The following COL24A1 variants were observed in gnomAD, a reference collection of about 807,000 sequenced individuals.
The protein encoded by COL24A1 is collagen type XXIV alpha 1 chain.
COL24A1 carries 224 observed loss-of-function variants against 253.9 expected under a neutral mutation model. The observed-to-expected ratio is 0.88, with a 90% confidence interval of 0.79 to 0.99. The LOEUF is 0.99. COL24A1 is among the 50% of genes least tolerant of loss of function. The pLI is 0.00. For synonymous variants in COL24A1, 685 were observed against 673.7 expected (o/e 1.02, Z -0.26); for missense variants, 2,131 against 2,068.5 (o/e 1.03, Z -0.59).
chr1:85,840,750 A>T (rs182323734), intron 42 of COL24A1, among the ~76,000 whole-genome samples: 4 of 152,292 alleles, frequency 2.6e-5, no homozygotes, highest in African/African-American at 9.6e-5. Flanking sequence ...AAGGCTATAG[A>T]TCAGTAATCT....
intron 31 of COL24A1, among the ~76,000 whole-genome samples, chr1:85,891,334 G>T (rs1057076279): frequency 1.7e-4 from 26 of 151,854 alleles, no homozygotes; most frequent in Admixed American, 1.4e-3. Context: ...AAAGTGCTGG[G>T]ATTACAGGCG....
intron 5 of COL24A1, among the ~76,000 whole-genome samples, chr1:86,106,503 A>G: frequency 6.6e-6 from 1 of 152,138 alleles, no homozygotes; most frequent in Non-Finnish European, 1.5e-5. Flanking sequence ...TTGACCACAG[A>G]TTGCCTGGAC....
chr1:85,812,141 C>A (rs1354250033), intron 47 of COL24A1, among the ~76,000 whole-genome samples: 1 of 152,308 alleles, frequency 6.6e-6, no homozygotes, highest in East Asian at 1.9e-4. Flanking sequence ...CGGTAATAAT[C>A]GAATTCACTG....
In COL24A1 at chr1:85,816,867, C is replaced by T. The variant is rs999484037; in HGVS notation, c.3872G>A (p.Gly1291Asp). 2.5e-6 allele frequency: 4 copies of T among 1,613,764 alleles called. No homozygotes were observed. The highest frequency in any genetic ancestry group is 3.4e-6 in the Non-Finnish European group (4 of 1,179,860). ...PGLQGLLGPK[G>D]IQGYHGADGI... The stretch of plus-strand genomic sequence containing the variant: ...ATCTGCTCCATGGTATCCTTGTATG[C>T]CTTTTGGCCCAAGTAGGCCTTGAAG... Residue 1291 changes from glycine (G) to aspartate (D), a missense_variant, in exon 47 of 60, where the codon GGC becomes GAC. Coordinates refer to ENST00000370571, the MANE Select transcript of COL24A1 (RefSeq NM_152890.7).
intron 23 of COL24A1, among the ~76,000 whole-genome samples, chr1:85,961,514 C>T (rs984499871): frequency 3.9e-5 from 6 of 152,128 alleles, no homozygotes; most frequent in African/African-American, 1.4e-4. Flanking sequence ...TACCCCAGAA[C>T]TTAAAATAAA....
chr1:85,842,518 G>T, intron 39 of COL24A1, 125 bp from the exon 40 acceptor site: 1 of 663,642 alleles, frequency 1.5e-6, no homozygotes, highest in Non-Finnish European at 2.5e-6. Flanking sequence ...TACCTAGTTT[G>T]AAATAGGAAA....
rs560221308 is a variant in COL24A1 at position 85,827,833 on chromosome 1, T to C, written c.3682-4095A>G. ...TCTCTCTTTTCTTTATTAGTCTTGC[T>C]AGTGGTCTATCAATTTTGTTGATCC... On this transcript the variant is annotated intron_variant, in intron 43 of 59. Transcript: ENST00000370571. 5.3e-4 allele frequency among the ~76,000 whole-genome samples: 80 copies of C among 152,224 alleles called. 3 individuals carry two copies. In the South Asian group the frequency reaches 0.017, roughly 32 times the overall value.
In COL24A1 at chr1:85,911,429, G is replaced by A. The variant is rs1685352881; in HGVS notation, c.2567C>T (p.Pro856Leu). The change falls in exon 25 of 60, where the codon CCT (proline) becomes CTT (leucine). Residue 856 changes from proline to leucine, a missense_variant. Physicochemically the swap from Pro to Leu is moderately conservative, Grantham distance 98 (BLOSUM62 -3). Coordinates refer to ENST00000370571, the MANE Select transcript of COL24A1 (RefSeq NM_152890.7). ...GNIGKIGETG[P>L]VGLPGEVGMT... ...CCCAACTTCTCCAGGTAAGCCAACAGGTCCCTTTTAGGAAAAAAAAATAAC... is the reference window on the plus strand; with the variant it reads ...CCCAACTTCTCCAGGTAAGCCAACAAGTCCCTTTTAGGAAAAAAAAATAAC... The A allele has an allele frequency of 6.2e-7, 1 of 1,611,590 alleles. No homozygotes were observed. The highest frequency in any genetic ancestry group is 8.5e-7 in the Non-Finnish European group (1 of 1,178,648).
chr1:85,918,577 A>C (rs944467482), intron 24 of COL24A1, among the ~76,000 whole-genome samples: 1 of 152,232 alleles, frequency 6.6e-6, no homozygotes, highest in Non-Finnish European at 1.5e-5. Flanking sequence ...ATGTGAACAT[A>C]CAGGCTTTAA....
chr1:85,933,920 G>C (rs1688034960), intron 24 of COL24A1, among the ~76,000 whole-genome samples: 1 of 152,108 alleles, frequency 6.6e-6, no homozygotes, highest in East Asian at 1.9e-4. Context: ...ACCCCCAAAA[G>C]TTAGTGGTTA....
chr1:86,029,142 G>T (rs1698310571), intron 14 of COL24A1, among the ~76,000 whole-genome samples: 1 of 96,368 alleles, frequency 1.0e-5, no homozygotes, highest in African/African-American at 4.4e-5. Context: ...CCTATTCTAA[G>T]TTCTCAGGAA....
At chr1:85,912,946 C>A (rs1571193234) in intron 24 of COL24A1, among the ~76,000 whole-genome samples, 1 of 152,090 alleles carries the variant, frequency 6.6e-6, no homozygotes, top group African/African-American at 2.4e-5. Flanking sequence ...TTACTAAAAT[C>A]AGTTCACCTC....
At chr1:85,801,272 A>T (rs1233645843) in intron 47 of COL24A1, among the ~76,000 whole-genome samples, 1 of 151,794 alleles carries the variant, frequency 6.6e-6, no homozygotes. Context: ...TCCATTTACC[A>T]CCCCTTCTCT....
Position 86,050,161 on chromosome 1 carries a change from G to A in COL24A1, c.1868C>T (p.Pro623Leu). 6.2e-7 allele frequency: 1 copy of A among 1,613,284 alleles called. No individual in the cohort carries two copies. The highest frequency in any genetic ancestry group is 8.5e-7 in the Non-Finnish European group (1 of 1,179,438). Residue 623 changes from proline to leucine, a missense_variant, in exon 11 of 60, where the codon CCT becomes CTT. Pro to Leu is a moderately conservative substitution (Grantham distance 98). Coordinates refer to ENST00000370571, the MANE Select transcript of COL24A1 (RefSeq NM_152890.7). ...PKGAQGFIGS[P>L]GEAGQLGPEG... ...AGGTCCCAGTTGTCCCGCTTCTCCA[G>A]GAGAGCCAATAAAACCCTTAAAACA...
chr1:85,980,027 T>C (rs1223870770), intron 20 of COL24A1, among the ~76,000 whole-genome samples: 1 of 152,178 alleles, frequency 6.6e-6, no homozygotes, highest in Non-Finnish European at 1.5e-5. Flanking sequence ...CAGGGATGGT[T>C]TAACATATGC....
At chr1:86,019,177 T>G (rs1697258130) in intron 18 of COL24A1, among the ~76,000 whole-genome samples, 1 of 152,170 alleles carries the variant, frequency 6.6e-6, no homozygotes, top group African/African-American at 2.4e-5. Context: ...AATAACTGAT[T>G]CTGCATAAGC....
chr1:85,913,034 T>C (rs1443709271), intron 24 of COL24A1, among the ~76,000 whole-genome samples: 1 of 152,242 alleles, frequency 6.6e-6, no homozygotes, highest in Non-Finnish European at 1.5e-5. Context: ...ACTTGCATTG[T>C]ATGTCTATTG....
intron 7 of COL24A1, among the ~76,000 whole-genome samples, chr1:86,076,924 T>C (rs895424095): frequency 2.6e-5 from 4 of 152,216 alleles, no homozygotes; most frequent in African/African-American, 9.6e-5. Flanking sequence ...ATTCTGGACA[T>C]AGGCATGGGC....
At chr1:86,070,221 T>C (rs886171392) in intron 7 of COL24A1, among the ~76,000 whole-genome samples, 4 of 152,102 alleles carry the variant, frequency 2.6e-5, no homozygotes, top group Non-Finnish European at 5.9e-5. Context: ...AAAAGCAGAA[T>C]TGATCAAGCA....
Sources: allele counts gnomAD v4.1 joint callset (sites outside exome capture counted in the v4.1 genomes callset), GRCh38; gene constraint gnomAD v4.1.1; transcripts MANE v1.5; gene names NCBI Gene and HGNC (gene_info 2026-07-23, HGNC 2026-07-21).